Variants in PISD observed in about 807,000 individuals in gnomAD.
The protein encoded by PISD is phosphatidylserine decarboxylase proenzyme, mitochondrial.
In PISD, 31 loss-of-function variants were observed where a neutral mutation model predicts 43.5. That is an observed-to-expected ratio of 0.71 (90% CI 0.54 to 0.96). The LOEUF is 0.96. Ranked by LOEUF, PISD falls within the 40% of genes least tolerant of loss-of-function variation. The pLI is 0.00. For missense variants in PISD, 523 were observed against 548.4 expected (o/e 0.95, Z 0.46); for synonymous variants, 259 against 228.7 (o/e 1.13, Z -1.20).
In PISD at chr22:31,621,341, G is replaced by A; in HGVS notation, c.690C>T (p.Phe230=). The change falls in exon 5 of 8, where the codon TTC becomes TTT. Residue 230 remains phenylalanine, a synonymous_variant. Coordinates refer to ENST00000439502, the MANE Select transcript of PISD (RefSeq NM_001326411.2). ...GCCTGTGCAGTGACCCACCTGGTGG[G>A]AAGGGCAGGTCCTCTGTGCACATAC... is the stretch of plus-strand genomic sequence containing the variant. ...GPRMCTEDLP[F]PPAASCDSFK... The A allele has an allele frequency of 6.2e-7, 1 of 1,614,056 alleles. No individual in the cohort carries two copies. The highest frequency in any genetic ancestry group is 8.5e-7 in the Non-Finnish European group (1 of 1,180,016).
chr22:31,620,970 T>TC (rs1317026099), intron 6 of PISD, 26 bp downstream of exon 6: 7 of 1,593,578 alleles, frequency 4.4e-6, no homozygotes, highest in South Asian at 1.1e-5. Context: ...CAGAGGCAGC[T>TC]CCCCCCACGC....
chr22:31,645,278 C>T (rs1267128091), intron 3 of PISD, among the ~76,000 whole-genome samples: 2 of 152,070 alleles, frequency 1.3e-5, no homozygotes, highest in Non-Finnish European at 2.9e-5. Context: ...ATGGTACACG[C>T]TTATATTCCC....
chr22:31,620,516 G>C, intron 7 of PISD, 37 bp downstream of exon 7: 1 of 1,606,884 alleles, frequency 6.2e-7, no homozygotes. Context: ...CAAGAGGTCT[G>C]GCCCTTGGGC....
intron 1 of PISD, among the ~76,000 whole-genome samples, chr22:31,657,223 G>A (rs1222728729): frequency 2.0e-5 from 3 of 151,916 alleles, no homozygotes; most frequent in South Asian, 2.1e-4. Flanking sequence ...CGCAACCTCC[G>A]CCTCCTGGGT....
At chr22:31,629,131 C>T (rs953967429) in intron 3 of PISD, 13 of 984,680 alleles carry the variant, frequency 1.3e-5, no homozygotes, top group Admixed American at 6.2e-5. Flanking sequence ...ACAACACCTG[C>T]CCCCCCAGTG....
intron 3 of PISD, among the ~76,000 whole-genome samples, chr22:31,624,382 G>A (rs865860930): frequency 6.6e-6 from 1 of 152,146 alleles, no homozygotes. Flanking sequence ...TGAGTCTTCC[G>A]CTACCATCCT....
intron 3 of PISD, chr22:31,623,955 C>A: frequency 9.6e-7 from 1 of 1,046,544 alleles, no homozygotes; most frequent in Non-Finnish European, 1.4e-6. Context: ...GTCTACCCAC[C>A]CTTGGCAAGC....
chr22:31,649,032 A>C (rs1298584859), intron 2 of PISD, among the ~76,000 whole-genome samples: 1 of 152,044 alleles, frequency 6.6e-6, no homozygotes, highest in Non-Finnish European at 1.5e-5. Flanking sequence ...TCAAATGCAA[A>C]ATCTCATAAA....
chr22:31,621,904 G>A lies in PISD; in HGVS notation c.322-19C>T. The A allele has an allele frequency of 6.3e-7, 1 of 1,579,976 alleles. No individual in the cohort carries two copies. The highest frequency in any genetic ancestry group is 8.6e-7 in the Non-Finnish European group (1 of 1,158,594). On this transcript the variant is annotated intron_variant, in intron 3 of 7. Coordinates refer to ENST00000439502, the MANE Select transcript of PISD (RefSeq NM_001326411.2). ...AAGCCACCTGCAGGCCACAGGGCAAGGGGCTGAGTTGACCACACTGCCCCA... is the reference window on the plus strand; with the variant it reads ...AAGCCACCTGCAGGCCACAGGGCAAAGGGCTGAGTTGACCACACTGCCCCA...
At chr22:31,651,249 C>A (rs2074021931) in intron 1 of PISD, among the ~76,000 whole-genome samples, 2 of 152,148 alleles carry the variant, frequency 1.3e-5, no homozygotes, top group South Asian at 2.1e-4. Flanking sequence ...CAGGCATGAG[C>A]CACCAGGCCC....
intron 3 of PISD, chr22:31,625,711 G>A (rs1043595739): frequency 1.5e-5 from 24 of 1,561,130 alleles, no homozygotes; most frequent in Admixed American, 1.1e-4. Context: ...CTGACCTTCC[G>A]GAGGTCGTGG....
chr22:31,621,112 A>G lies in PISD; in HGVS notation c.728T>C (p.Leu243Pro). 6.2e-7 allele frequency: 1 copy of G among 1,614,178 alleles called. No homozygotes were observed. Among genetic ancestry groups the G allele is most frequent in the Non-Finnish European group, 8.5e-7 (1 of 1,180,022 alleles). ...GAGCTCATTCCCTTCCCGGGTGACC[A>G]GCTGGTTCTTGAAGGAGTCACACGA... ...AASCDSFKNQ[L>P]VTREGNELYH... The change falls in exon 6 of 8, where the codon CTG (leucine) becomes CCG (proline). Residue 243 changes from leucine to proline, a missense_variant. Transcript: ENST00000439502.
At chr22:31,642,438 C>G (rs2073760934) in intron 3 of PISD, among the ~76,000 whole-genome samples, 1 of 150,504 alleles carries the variant, frequency 6.6e-6, no homozygotes, top group African/African-American at 2.5e-5. Context: ...CTGGGCAACA[C>G]AGCAAGAGCC....
intron 3 of PISD, among the ~76,000 whole-genome samples, chr22:31,644,166 G>C (rs1200132354): frequency 6.6e-6 from 1 of 152,048 alleles, no homozygotes; most frequent in Non-Finnish European, 1.5e-5. Context: ...CAGGGCTCCT[G>C]GAAAACACAG....
intron 3 of PISD, chr22:31,627,994 G>A: frequency 1.0e-6 from 1 of 983,546 alleles, no homozygotes; most frequent in Non-Finnish European, 1.2e-6. Flanking sequence ...CCAGGCTGGG[G>A]CACCGCACCT....
At chr22:31,635,875 A>G (rs956913290) in intron 3 of PISD, among the ~76,000 whole-genome samples, 50 of 152,320 alleles carry the variant, frequency 3.3e-4, no homozygotes, top group African/African-American at 1.2e-3. Flanking sequence ...TGCCAACTTG[A>G]CTATTTGCCC....
intron 1 of PISD, among the ~76,000 whole-genome samples, chr22:31,651,903 G>A (rs927334890): frequency 1.3e-5 from 2 of 152,130 alleles, no homozygotes; most frequent in Non-Finnish European, 2.9e-5. Flanking sequence ...CTTAATCAAA[G>A]AGGAAATATC....
chr22:31,634,791 T>TCG (rs571708352), intron 3 of PISD, among the ~76,000 whole-genome samples: 46 of 139,480 alleles, frequency 3.3e-4, no homozygotes, highest in Non-Finnish European at 3.0e-5. Flanking sequence ...TGAGCTGAGA[T>TCG]TGCCACTGCA....
chr22:31,662,057 G>T, intron 1 of PISD, 87 bp downstream of exon 1: 2 of 1,269,964 alleles, frequency 1.6e-6, no homozygotes, highest in Non-Finnish European at 1.1e-6. Flanking sequence ...CTCAGAGCGA[G>T]CCCGCGACAC....
Sources: allele counts gnomAD v4.1 joint callset (sites outside exome capture counted in the v4.1 genomes callset), GRCh38; gene constraint gnomAD v4.1.1; transcripts MANE v1.5; gene names NCBI Gene and HGNC (gene_info 2026-07-23, HGNC 2026-07-21).